Variants in ME1 observed in about 807,000 individuals in gnomAD.
The protein encoded by ME1 is malic enzyme 1, also known as NADP-dependent malic enzyme.
In ME1, 74 loss-of-function variants were observed where a neutral mutation model predicts 66.4. The observed-to-expected ratio is 1.11, with a 90% CI of 0.92 to 1.35. The LOEUF (loss-of-function observed/expected upper bound fraction) is 1.35. ME1 is among the 40% of genes most tolerant of loss of function. The pLI is 0.00. For synonymous variants in ME1, 251 were observed against 235.6 expected (o/e 1.07, Z -0.60); for missense variants, 750 against 694.1 (o/e 1.08, Z -0.90).
At chr6:83,246,995 C>T (rs912884351) in intron 7 of ME1, among the ~76,000 whole-genome samples, 4 of 152,058 alleles carry the variant, frequency 2.6e-5, no homozygotes, top group Admixed American at 2.0e-4. Flanking sequence ...GCCATGGTAT[C>T]CTTTTGTGAG....
intron 3 of ME1, among the ~76,000 whole-genome samples, chr6:83,356,850 T>A (rs770532011): frequency 3.9e-5 from 6 of 152,144 alleles, no homozygotes; most frequent in Non-Finnish European, 5.9e-5. Flanking sequence ...TCCTACATAA[T>A]CTTAACCAGA....
intron 5 of ME1, among the ~76,000 whole-genome samples, chr6:83,321,463 G>T (rs1768172619): frequency 6.6e-6 from 1 of 152,066 alleles, no homozygotes. Flanking sequence ...AGCTTGGTGT[G>T]GGGAGGGATG....
intron 9 of ME1, among the ~76,000 whole-genome samples, chr6:83,230,481 TG>T: frequency 6.6e-6 from 1 of 152,266 alleles, no homozygotes; most frequent in South Asian, 2.1e-4. Context: ...AGGTTGTTTG[TG>T]GGGTAAATGA....
chr6:83,216,379 T>C, intron 13 of ME1, 119 bp downstream of exon 13: 1 of 752,580 alleles, frequency 1.3e-6, no homozygotes. Flanking sequence ...CTCTGACTTC[T>C]GACATAGTAA....
In ME1 at chr6:83,352,137, CCTCTG is replaced by C. The variant is rs1225869442; in HGVS notation, c.363-3_364del. 9 of 1,415,584 alleles carry C rather than the reference CCTCTG, an allele frequency of 6.4e-6. No homozygotes were observed. The highest frequency in any genetic ancestry group is 8.4e-6 in the Non-Finnish European group (9 of 1,065,818). 87.7% of individuals were successfully genotyped at this position (1,415,584 alleles called of 1,614,324 possible). ...TCGATCGTGGATAGTAATAAAGAGA[CCTCTG>C]CAGAAAAAAAAAAAAAAAAAGGAGT... On this transcript the variant is annotated splice_acceptor_variant and splice_polypyrimidine_tract_variant and coding_sequence_variant and intron_variant, in exon 4 of 14. Transcript: ENST00000369705. LOFTEE classifies it high-confidence loss of function.
At chr6:83,244,848 A>G (rs1038003170) in intron 7 of ME1, among the ~76,000 whole-genome samples, 16 of 152,118 alleles carry the variant, frequency 1.1e-4, no homozygotes, top group African/African-American at 3.6e-4. Context: ...TATAACACAC[A>G]TTGACAGAGA....
chr6:83,357,391 G>C (rs150428588), intron 3 of ME1, among the ~76,000 whole-genome samples: 7 of 152,282 alleles, frequency 4.6e-5, no homozygotes, highest in African/African-American at 1.7e-4. Flanking sequence ...TGGGCTCATA[G>C]TTTATTATCT....
rs979348032 is a variant in ME1, at chr6:83,301,780, T to A, written c.704+13530A>T. 3.3e-5 allele frequency among the ~76,000 whole-genome samples: 5 copies of A among 152,124 alleles called. No individual in the cohort carries two copies. In the South Asian group the frequency reaches 1.0e-3, roughly 31 times the overall value. ...TCACACCAGTCAGAATGGCTATTAT[T>A]TAAACATCAAAAAACACAGATCCTG... On this transcript the variant is annotated intron_variant, in intron 6 of 13. Coordinates refer to ENST00000369705, the MANE Select transcript of ME1 (RefSeq NM_002395.6).
At chr6:83,275,833 C>T (rs1476926278) in intron 6 of ME1, among the ~76,000 whole-genome samples, 2 of 125,062 alleles carry the variant, frequency 1.6e-5, no homozygotes, top group Non-Finnish European at 3.1e-5. Flanking sequence ...AGTGCAGTGG[C>T]GCGATCTCGG....
chr6:83,319,136 C>T (rs1768101340), intron 5 of ME1, among the ~76,000 whole-genome samples: 1 of 147,560 alleles, frequency 6.8e-6, no homozygotes. Context: ...GGGAACATCA[C>T]ACTCTGGGGA....
At position 83,216,545 on chromosome 6, in the gene ME1, G is replaced by T. The variant is rs1273873408; in HGVS notation, c.1501C>A (p.Pro501Thr). Residue 501 changes from proline to threonine, a missense_variant, in exon 13 of 14, where the codon CCT (proline) becomes ACT (threonine). Pro to Thr is a conservative substitution (Grantham distance 38). Transcript: ENST00000369705. ...DKHLEEGRLY[P>T]PLNTIRDVSL... ...ACATCTCTAATGGTATTCAAAGGAGGATAAAGCCGACCCTCTTCCAAGTGT... is the reference window on the plus strand; with the variant it reads ...ACATCTCTAATGGTATTCAAAGGAGTATAAAGCCGACCCTCTTCCAAGTGT... 1.9e-6 allele frequency: 3 copies of T among 1,611,542 alleles called. No individual in the cohort carries two copies. Among genetic ancestry groups the T allele is most frequent in the Non-Finnish European group, 2.5e-6 (3 of 1,179,464 alleles).
chr6:83,332,913 T>C (rs539283270), intron 5 of ME1, among the ~76,000 whole-genome samples: 2 of 152,162 alleles, frequency 1.3e-5, no homozygotes, highest in East Asian at 3.9e-4. Flanking sequence ...AAATAAAAAA[T>C]AAAAATAAAA....
intron 5 of ME1, among the ~76,000 whole-genome samples, chr6:83,329,251 T>C (rs1768360712): frequency 6.6e-6 from 1 of 152,184 alleles, no homozygotes; most frequent in South Asian, 2.1e-4. Context: ...CTACCCAACA[T>C]TAGCACCTTG....
chr6:83,371,648 T>C (rs954355225), intron 3 of ME1, among the ~76,000 whole-genome samples: 1 of 152,090 alleles, frequency 6.6e-6, no homozygotes, highest in African/African-American at 2.4e-5. Context: ...TCCAAAGAAT[T>C]TTCCAGGGGA....
intron 1 of ME1, among the ~76,000 whole-genome samples, chr6:83,408,158 A>G (rs2128552077): frequency 6.6e-6 from 1 of 152,336 alleles, no homozygotes; most frequent in Non-Finnish European, 1.5e-5. Flanking sequence ...TGATGAATGG[A>G]AGGAAACTAC....
At chr6:83,228,975 G>A (rs755177845) in intron 9 of ME1, 44 bp from the exon 10 acceptor site, 1 of 1,303,602 alleles carries the variant, frequency 7.7e-7, no homozygotes, top group South Asian at 1.3e-5. Context: ...TGCCAAACAT[G>A]TGAGGGTCAA....
intron 6 of ME1, among the ~76,000 whole-genome samples, chr6:83,261,676 T>C (rs75440137): frequency 0.03 from 4,514 of 151,580 alleles, 223 homozygotes; most frequent in African/African-American, 0.1. Flanking sequence ...AGAAGAAGTG[T>C]TGGGAGTCTG....
chr6:83,428,533 A>T (rs1405907305), intron 1 of ME1, among the ~76,000 whole-genome samples: 1 of 152,170 alleles, frequency 6.6e-6, no homozygotes, highest in African/African-American at 2.4e-5. Flanking sequence ...GGGAAGTAAA[A>T]TCTACTCTTG....
At chr6:83,412,622 TA>T (rs1770073638) in intron 1 of ME1, among the ~76,000 whole-genome samples, 1 of 151,998 alleles carries the variant, frequency 6.6e-6, no homozygotes, top group Admixed American at 6.6e-5. Context: ...AGTAAATGGA[TA>T]AAACTAAGGT....
Sources: gnomAD v4.1 joint callset for allele counts (sites outside exome capture counted in the v4.1 genomes callset) on GRCh38, gnomAD v4.1.1 for gene constraint, MANE v1.5 for transcripts, NCBI Gene and HGNC (gene_info 2026-07-23, HGNC 2026-07-21) for gene names.